The following COP1 variants were observed in gnomAD, a reference collection of about 807,000 sequenced individuals.
COP1 encodes E3 ubiquitin-protein ligase COP1.
Under a neutral mutation model 101.3 loss-of-function variants are expected in COP1, and 24 were observed. The observed-to-expected ratio is 0.24, with a 90% CI of 0.17 to 0.33. COP1 has a LOEUF of 0.33. Ranked by LOEUF, COP1 falls within the 10% of genes least tolerant of loss-of-function variation. The pLI is 1.00. For synonymous variants in COP1, 347 were observed against 341.9 expected, an observed-to-expected ratio of 1.01 and a Z score of -0.17; for missense variants, 663 against 906.2, an observed-to-expected ratio of 0.73 and a Z score of 3.45.
chr1:176,005,315 C>A (rs61706391), intron 15 of COP1, among the ~76,000 whole-genome samples: 22,593 of 151,570 alleles, frequency 0.15, 2,163 homozygotes, highest in East Asian at 0.33. Flanking sequence ...TCCTGGATTC[C>A]TTAATTTTTG....
intron 11 of COP1, among the ~76,000 whole-genome samples, chr1:176,063,629 ACAAC>A (rs1234583191): frequency 1.3e-5 from 2 of 152,230 alleles, no homozygotes; most frequent in African/African-American, 2.4e-5. Context: ...GAATGTGAAC[ACAAC>A]CAAACATCAT....
chr1:176,044,461 G>A (rs993306798), intron 12 of COP1, among the ~76,000 whole-genome samples: 1 of 152,214 alleles, frequency 6.6e-6, no homozygotes, highest in Admixed American at 6.5e-5. Context: ...TATGGAAGAA[G>A]TTACTTAGAA....
At chr1:176,005,012 T>C (rs1350299493) in intron 15 of COP1, among the ~76,000 whole-genome samples, 1 of 152,066 alleles carries the variant, frequency 6.6e-6, no homozygotes, top group Non-Finnish European at 1.5e-5. Flanking sequence ...AGCTATTGAT[T>C]CTTGCCACAA....
intron 14 of COP1, among the ~76,000 whole-genome samples, chr1:176,037,809 T>TA (rs1669837504): frequency 6.6e-6 from 1 of 152,142 alleles, no homozygotes. Flanking sequence ...AGGTGCCTAC[T>TA]AAAAGCCTAA....
intron 9 of COP1, among the ~76,000 whole-genome samples, chr1:176,113,439 TTAATCCCTTGTCGGATAGA>T: frequency 6.6e-6 from 1 of 152,326 alleles, no homozygotes; most frequent in East Asian, 1.9e-4. Flanking sequence ...ATTCTGGTTA[TTAATCCCTTGTCGGATAGA>T]TAATCTGCCA....
At chr1:176,165,315 T>A (rs1300621056) in intron 3 of COP1, among the ~76,000 whole-genome samples, 2 of 148,228 alleles carry the variant, frequency 1.3e-5, no homozygotes, top group East Asian at 4.0e-4. Flanking sequence ...TAAGCAAAAA[T>A]AAAAGTGAAG....
intron 5 of COP1, among the ~76,000 whole-genome samples, chr1:176,151,078 T>A (rs762725935): frequency 2.6e-5 from 4 of 151,956 alleles, no homozygotes; most frequent in Non-Finnish European, 4.4e-5. Flanking sequence ...ATTTTTAACA[T>A]GAAAGTAATC....
intron 18 of COP1, among the ~76,000 whole-genome samples, chr1:175,968,018 C>G (rs1020938187): frequency 6.6e-6 from 1 of 152,110 alleles, no homozygotes; most frequent in Non-Finnish European, 1.5e-5. Context: ...CAGGCGCCTG[C>G]CAACACACCT....
At chr1:176,040,938 T>C (rs1670412195) in intron 14 of COP1, among the ~76,000 whole-genome samples, 1 of 152,160 alleles carries the variant, frequency 6.6e-6, no homozygotes, top group Non-Finnish European at 1.5e-5. Context: ...TTAACATAGC[T>C]TTATACACTT....
intron 8 of COP1, among the ~76,000 whole-genome samples, chr1:176,125,139 G>A (rs147344824): frequency 5.3e-5 from 8 of 151,758 alleles, no homozygotes; most frequent in Admixed American, 2.6e-4. Context: ...TAAGCTCCTC[G>A]TATATTCTGG....
chr1:176,117,159 T>C (rs545775150), intron 8 of COP1, among the ~76,000 whole-genome samples: 2 of 152,322 alleles, frequency 1.3e-5, no homozygotes, highest in African/African-American at 2.4e-5. Flanking sequence ...AATGAGGTGA[T>C]GTAGGCTAGC....
At chr1:176,064,619 G>A (rs1249212893) in intron 11 of COP1, among the ~76,000 whole-genome samples, 2 of 152,018 alleles carry the variant, frequency 1.3e-5, no homozygotes, top group African/African-American at 4.8e-5. Context: ...TTTACTTTTT[G>A]AGCTCCATCC....
At chr1:176,107,132 T>C (rs1404319719) in intron 9 of COP1, among the ~76,000 whole-genome samples, 1 of 151,976 alleles carries the variant, frequency 6.6e-6, no homozygotes, top group Non-Finnish European at 1.5e-5. Context: ...TTCCTGGGAG[T>C]CCTTCAGTAA....
In COP1 at chr1:176,083,279, T is replaced by G. The variant is rs12027433; in HGVS notation, c.1142-1992A>C. Among the ~76,000 whole-genome samples the G allele has an allele frequency of 3.9e-5, 6 of 152,324 alleles. No homozygotes were observed. The East Asian group carries it at 1.2e-3, about 29-fold the overall frequency. ...TCATTCCCATTTTGATATCAATTCC[T>G]AAGTACATAAAACTCACAAGCATTC... On this transcript the variant is annotated intron_variant, in intron 10 of 19. Coordinates refer to ENST00000367669, the MANE Select transcript of COP1 (RefSeq NM_022457.7).
chr1:176,064,387 A>G (rs970319663), intron 11 of COP1, among the ~76,000 whole-genome samples: 1 of 152,230 alleles, frequency 6.6e-6, no homozygotes, highest in African/African-American at 2.4e-5. Flanking sequence ...ATATATGCTC[A>G]AAAATATTAG....
intron 15 of COP1, among the ~76,000 whole-genome samples, chr1:176,009,361 T>G (rs1664182698): frequency 6.6e-6 from 1 of 152,236 alleles, no homozygotes; most frequent in African/African-American, 2.4e-5. Flanking sequence ...CTCAAGTTAT[T>G]TCATAAGATG....
Position 176,176,007 on chromosome 1 carries a change from G to C in COP1, c.468C>G (p.Cys156Trp). 6.8e-7 allele frequency: 1 copy of C among 1,461,312 alleles called. No homozygotes were observed. The highest frequency in any genetic ancestry group is 9.5e-7 in the Non-Finnish European group (1 of 1,057,366). The allele number at this position is 1,461,312 out of a possible 1,614,324, so 90.5% of individuals were successfully genotyped here. The change falls in exon 3 of 20, where the codon TGC becomes TGG. Residue 156 changes from cysteine (C) to tryptophan (W), a missense_variant and splice_region_variant. By Grantham distance (215) the Cys-to-Trp change is radical. Transcript: ENST00000367669. ...AYMTKCGHSFCYKCIHQSLED... is the reference protein window; with the variant it reads ...AYMTKCGHSFWYKCIHQSLED... The stretch of plus-strand genomic sequence containing the variant: ...CCAAACTCTGATGAATACACTTGTA[G>C]CTATTAGTAGGGGGGGAAAAAAAAG...
intron 18 of COP1, among the ~76,000 whole-genome samples, chr1:175,980,350 T>TAAGC (rs1246272639): frequency 1.6e-5 from 2 of 122,606 alleles, no homozygotes; most frequent in African/African-American, 5.7e-5. Flanking sequence ...GAAACTTAGG[T>TAAGC]AAGCAAAACA....
chr1:175,999,638 T>C (rs1661116373), intron 15 of COP1, among the ~76,000 whole-genome samples: 1 of 152,114 alleles, frequency 6.6e-6, no homozygotes, highest in African/African-American at 2.4e-5. Context: ...GCAGTGGGAC[T>C]GCTGGGTAAT....
Sources: gnomAD v4.1 joint callset for allele counts (sites outside exome capture counted in the v4.1 genomes callset) on GRCh38, gnomAD v4.1.1 for gene constraint, MANE v1.5 for transcripts, NCBI Gene and HGNC (gene_info 2026-07-23, HGNC 2026-07-21) for gene names.